The following CTNND2 variants were observed in gnomAD, a reference collection of about 807,000 sequenced individuals.
CTNND2 encodes catenin delta 2.
CTNND2 carries 22 observed loss-of-function variants against 144.4 expected under a neutral mutation model. The observed-to-expected ratio is 0.15, with a 90% CI of 0.11 to 0.22. CTNND2 has a LOEUF of 0.22. Among genes scored for constraint, CTNND2 ranks in the 10% least tolerant of loss-of-function variants. The probability of loss-of-function intolerance (pLI) is 1.00; values close to 1 mark genes in which losing one functional copy is unlikely to be tolerated. For synonymous variants in CTNND2, 751 were observed against 695.6 expected (o/e 1.08, Z -1.25); for missense variants, 1,353 against 1,618.8 (o/e 0.84, Z 2.82).
intron 1 of CTNND2, among the ~76,000 whole-genome samples, chr5:11,837,111 C>G (rs1581978030): frequency 6.6e-6 from 1 of 152,138 alleles, no homozygotes; most frequent in African/African-American, 2.4e-5. Flanking sequence ...TCAGGGTGAC[C>G]ACTTCTCTAG....
intron 1 of CTNND2, among the ~76,000 whole-genome samples, chr5:11,753,319 A>G (rs1561765116): frequency 6.6e-6 from 1 of 151,790 alleles, no homozygotes; most frequent in Non-Finnish European, 1.5e-5. Flanking sequence ...TATGTTATAG[A>G]TGGCTCTTAT....
intron 2 of CTNND2, among the ~76,000 whole-genome samples, chr5:11,624,621 A>T (rs988469137): frequency 3.9e-5 from 6 of 152,148 alleles, no homozygotes; most frequent in African/African-American, 1.4e-4. Context: ...TGAATAGAGC[A>T]GTAACATTCA....
chr5:11,233,965 G>C (rs1741339607), intron 10 of CTNND2, among the ~76,000 whole-genome samples: 1 of 152,188 alleles, frequency 6.6e-6, no homozygotes, highest in South Asian at 2.1e-4. Flanking sequence ...CAGCCTCCCA[G>C]GTCCCCTGGG....
intron 5 of CTNND2, among the ~76,000 whole-genome samples, chr5:11,408,172 C>T (rs1345909296): frequency 1.3e-5 from 2 of 152,110 alleles, no homozygotes; most frequent in African/African-American, 4.8e-5. Flanking sequence ...TAATCTTGCC[C>T]ACCTCTTCAT....
At chr5:11,867,748 G>A (rs1299537408) in intron 1 of CTNND2, among the ~76,000 whole-genome samples, 1 of 152,062 alleles carries the variant, frequency 6.6e-6, no homozygotes, top group Admixed American at 6.6e-5. Context: ...TGATAAAGCT[G>A]TGATTCCAAG....
At chr5:11,691,288 G>A (rs764587733) in intron 2 of CTNND2, among the ~76,000 whole-genome samples, 16 of 151,800 alleles carry the variant, frequency 1.1e-4, no homozygotes, top group African/African-American at 2.2e-4. Flanking sequence ...GAAGAATGGC[G>A]TGAACCCAGG....
chr5:11,840,098 G>C (rs1034244599), intron 1 of CTNND2, among the ~76,000 whole-genome samples: 1 of 151,700 alleles, frequency 6.6e-6, no homozygotes, highest in African/African-American at 2.4e-5. Context: ...ATATTCATTA[G>C]GAAAAAAAAA....
chr5:11,386,418 T>G (rs1442416448), intron 6 of CTNND2, among the ~76,000 whole-genome samples: 1 of 152,238 alleles, frequency 6.6e-6, no homozygotes, highest in Non-Finnish European at 1.5e-5. Context: ...CTACCCGTTC[T>G]GGAATGGCAA....
intron 20 of CTNND2, among the ~76,000 whole-genome samples, chr5:10,984,602 C>G (rs2062688): frequency 1.3e-5 from 2 of 151,920 alleles, no homozygotes; most frequent in Non-Finnish European, 2.9e-5. Flanking sequence ...TAAACGAGAC[C>G]ATAGCTGAGA....
chr5:11,228,487 G>A (rs1281731493), intron 10 of CTNND2, among the ~76,000 whole-genome samples: 4 of 149,472 alleles, frequency 2.7e-5, no homozygotes, highest in Non-Finnish European at 5.9e-5. Flanking sequence ...GCAGGTTATG[G>A]ATTTTTTTTT....
chr5:11,319,644 C>T (rs1751837417), intron 9 of CTNND2, among the ~76,000 whole-genome samples: 2 of 152,252 alleles, frequency 1.3e-5, no homozygotes, highest in African/African-American at 4.8e-5. Flanking sequence ...CCTTAGCCTC[C>T]CAAGCAGCTG....
chr5:11,090,781 GC>G (rs1272687436), intron 15 of CTNND2, among the ~76,000 whole-genome samples: 1 of 151,392 alleles, frequency 6.6e-6, no homozygotes, highest in East Asian at 1.9e-4. Context: ...ATATGATTGA[GC>G]CCAGTAAGTT....
At chr5:11,705,304 C>T (rs565150296) in intron 2 of CTNND2, among the ~76,000 whole-genome samples, 1 of 152,250 alleles carries the variant, frequency 6.6e-6, no homozygotes, top group East Asian at 1.9e-4. Flanking sequence ...CAGAATTCTT[C>T]CCCCACCCAA....
chr5:11,364,928 G>A (rs1677629179), intron 7 of CTNND2, 38 bp from the exon 8 acceptor site: 2 of 1,550,544 alleles, frequency 1.3e-6, no homozygotes, highest in Non-Finnish European at 8.8e-7. Flanking sequence ...AAGCTCAGGC[G>A]ACCTCCAAAC....
chr5:11,109,701 T>C (rs533869560), intron 14 of CTNND2, among the ~76,000 whole-genome samples: 3 of 152,136 alleles, frequency 2.0e-5, no homozygotes, highest in South Asian at 4.2e-4. Context: ...TAAGCATACA[T>C]TAACTTAGTG....
chr5:11,351,633 G>T (rs1051276015), intron 8 of CTNND2, among the ~76,000 whole-genome samples: 5 of 151,890 alleles, frequency 3.3e-5, no homozygotes, highest in Non-Finnish European at 1.5e-5. Context: ...ACTGACAATG[G>T]AAAAAAGGAG....
chr5:11,616,668 G>C (rs1295443059), intron 2 of CTNND2, among the ~76,000 whole-genome samples: 1 of 149,662 alleles, frequency 6.7e-6, no homozygotes, highest in Non-Finnish European at 1.5e-5. Context: ...AGTGAGTGGC[G>C]TGATCTTGGC....
At chr5:11,085,546 G>A (rs921145963) in intron 15 of CTNND2, among the ~76,000 whole-genome samples, 2 of 152,166 alleles carry the variant, frequency 1.3e-5, no homozygotes, top group African/African-American at 4.8e-5. Flanking sequence ...AGAGGCTCAG[G>A]CCATTATTTG....
At chr5:11,372,849 C>G (rs951119078) in intron 7 of CTNND2, among the ~76,000 whole-genome samples, 10 of 152,162 alleles carry the variant, frequency 6.6e-5, no homozygotes, top group Non-Finnish European at 1.3e-4. Context: ...GAAGCCAGGA[C>G]ATATTTGTCT....
Sources: gnomAD v4.1 joint callset for allele counts (sites outside exome capture counted in the v4.1 genomes callset) on GRCh38, gnomAD v4.1.1 for gene constraint, MANE v1.5 for transcripts, NCBI Gene and HGNC (gene_info 2026-07-23, HGNC 2026-07-21) for gene names.